Variants in PELI2 observed in about 807,000 individuals in gnomAD.
The protein encoded by PELI2 is E3 ubiquitin-protein ligase pellino homolog 2.
A neutral mutation model predicts 42.3 loss-of-function variants in PELI2; 23 were observed. The ratio of observed to expected loss-of-function variants is 0.54; its 90% CI spans 0.39 to 0.77. The LOEUF (loss-of-function observed/expected upper bound fraction) is 0.77, where lower values mean the gene tolerates loss of function less well. Among genes scored for constraint, PELI2 ranks in the 30% least tolerant of loss-of-function variants. PELI2 has a pLI of 0.00. For missense variants in PELI2, 463 were observed against 553.2 expected (o/e 0.84, Z 1.64); for synonymous variants, 245 against 212.2 (o/e 1.15, Z -1.34).
intron 3 of PELI2, among the ~76,000 whole-genome samples, chr14:56,281,000 C>T (rs1427867396): frequency 6.6e-6 from 1 of 151,974 alleles, no homozygotes; most frequent in African/African-American, 2.4e-5. Context: ...CTCTTTATTA[C>T]CTATTAATTG....
chr14:56,244,674 CT>C (rs771898823), intron 2 of PELI2, among the ~76,000 whole-genome samples: 58 of 152,122 alleles, frequency 3.8e-4, no homozygotes, highest in Middle Eastern at 3.2e-3. Flanking sequence ...GTATTTTCCA[CT>C]GGGCTGTGTA....
Position 56,297,019 on chromosome 14 carries a change from G to T in PELI2, c.1116G>T (p.Val372=). The change falls in exon 6 of 6, where the codon GTG becomes GTT. Residue 372 remains valine, a synonymous_variant. Coordinates refer to ENST00000267460, the MANE Select transcript of PELI2 (RefSeq NM_021255.3). ...PTHAFTPCGH[V]CSEKSAKYWS... is the part of the protein sequence containing the mutation. ...ATGCTTTCACTCCCTGTGGACACGT[G>T]TGCTCGGAGAAGTCTGCAAAATACT... The T allele has an allele frequency of 6.2e-7, 1 of 1,614,108 alleles. No individual in the cohort carries two copies. Among genetic ancestry groups the T allele is most frequent in the Non-Finnish European group, 8.5e-7 (1 of 1,180,024 alleles).
At chr14:56,234,546 A>G (rs1887712753) in intron 2 of PELI2, among the ~76,000 whole-genome samples, 1 of 152,162 alleles carries the variant, frequency 6.6e-6, no homozygotes, top group Non-Finnish European at 1.5e-5. Flanking sequence ...GTGGGAATTG[A>G]ACAATGAGAA....
chr14:56,249,055 G>A (rs570749925), intron 2 of PELI2, among the ~76,000 whole-genome samples: 1 of 152,306 alleles, frequency 6.6e-6, no homozygotes, highest in South Asian at 2.1e-4. Context: ...GGTAATCCCT[G>A]TCATAGTGGT....
At chr14:56,267,888 T>C (rs577448507) in intron 2 of PELI2, among the ~76,000 whole-genome samples, 222 of 152,306 alleles carry the variant, frequency 1.5e-3, no homozygotes, top group African/African-American at 5.1e-3. Context: ...TAAGTTTCAA[T>C]CTTTATATTC....
chr14:56,202,137 A>G (rs72714387), intron 2 of PELI2, among the ~76,000 whole-genome samples: 3 of 152,188 alleles, frequency 2.0e-5, no homozygotes, highest in Non-Finnish European at 4.4e-5. Context: ...AAAATTATCC[A>G]TCTGGGGCCA....
chr14:56,149,491 G>A (rs1202119462), intron 1 of PELI2, among the ~76,000 whole-genome samples: 1 of 152,154 alleles, frequency 6.6e-6, no homozygotes, highest in African/African-American at 2.4e-5. Flanking sequence ...GGGAGTCTAG[G>A]AAGAAAATGC....
intron 1 of PELI2, among the ~76,000 whole-genome samples, chr14:56,170,486 A>C (rs1885125485): frequency 6.6e-6 from 1 of 152,186 alleles, no homozygotes; most frequent in African/African-American, 2.4e-5. Context: ...AAAAACTGTC[A>C]GTGTTGTCTA....
chr14:56,229,258 C>T lies in PELI2; in HGVS notation c.208-50418C>T, dbSNP rs147805352. Reference sequence around the variant, plus strand: ...GAAGAGAGTAGTGGTTCTCCCAGCACGGAGTTTGAGATCTGAGAACGGACA... The same window carrying T: ...GAAGAGAGTAGTGGTTCTCCCAGCATGGAGTTTGAGATCTGAGAACGGACA... On this transcript the variant is annotated intron_variant, in intron 2 of 5. Transcript: ENST00000267460. Among the ~76,000 whole-genome samples, 165 of 152,338 alleles carry T rather than the reference C, an allele frequency of 1.1e-3. 2 individuals are homozygous for T. Among genetic ancestry groups the T allele is most frequent in the African/African-American group, 3.6e-3 (148 of 41,584 alleles).
Position 56,178,261 on chromosome 14 carries a change from T to C in PELI2, c.78-74T>C. On this transcript the variant is annotated intron_variant, in intron 1 of 5. Transcript: ENST00000267460. ...TGACCATTCCTGTCTTTTCCCTTAT[T>C]CAATACCTCTAACTTTTATGTTTAA... 2.0e-6 allele frequency: 3 copies of C among 1,505,622 alleles called. No homozygotes were observed. In the African/African-American group the frequency reaches 4.1e-5, roughly 21 times the overall value. The allele number at this position is 1,505,622 out of a possible 1,614,324, so 93.3% of individuals were successfully genotyped here.
At chr14:56,272,026 C>G (rs572467246) in intron 2 of PELI2, among the ~76,000 whole-genome samples, 6 of 152,290 alleles carry the variant, frequency 3.9e-5, no homozygotes, top group African/African-American at 1.4e-4. Flanking sequence ...GAAAACGTTG[C>G]TTCAGCATAC....
At chr14:56,143,514 G>A (rs1883992972) in intron 1 of PELI2, among the ~76,000 whole-genome samples, 1 of 152,140 alleles carries the variant, frequency 6.6e-6, no homozygotes, top group African/African-American at 2.4e-5. Flanking sequence ...TTATTTCTGT[G>A]ATGTTTGCCT....
At chr14:56,245,339 A>G (rs1241130797) in intron 2 of PELI2, among the ~76,000 whole-genome samples, 3 of 152,210 alleles carry the variant, frequency 2.0e-5, no homozygotes, top group African/African-American at 7.2e-5. Context: ...CTCAAGCTAA[A>G]TGTGTCATTG....
At chr14:56,287,725 G>A (rs903347323) in intron 3 of PELI2, among the ~76,000 whole-genome samples, 5 of 152,148 alleles carry the variant, frequency 3.3e-5, no homozygotes, top group South Asian at 2.1e-4. Context: ...GCATGAGAAC[G>A]TATATATGAG....
At chr14:56,149,742 T>C (rs1884267039) in intron 1 of PELI2, among the ~76,000 whole-genome samples, 2 of 152,210 alleles carry the variant, frequency 1.3e-5, no homozygotes, top group Non-Finnish European at 2.9e-5. Context: ...CTGAAAAATA[T>C]CTTAAAATCT....
chr14:56,240,645 C>G (rs555886476), intron 2 of PELI2, among the ~76,000 whole-genome samples: 1 of 152,138 alleles, frequency 6.6e-6, no homozygotes, highest in East Asian at 1.9e-4. Context: ...TAAGACAGGC[C>G]ATGTTTGAAT....
At chr14:56,238,534 G>T (rs1381280719) in intron 2 of PELI2, among the ~76,000 whole-genome samples, 1 of 152,070 alleles carries the variant, frequency 6.6e-6, no homozygotes, top group Non-Finnish European at 1.5e-5. Context: ...TGATTTTGCC[G>T]CTGTCGTAAT....
intron 2 of PELI2, among the ~76,000 whole-genome samples, chr14:56,206,056 A>G (rs1376583533): frequency 1.3e-5 from 2 of 152,200 alleles, no homozygotes; most frequent in African/African-American, 2.4e-5. Flanking sequence ...AAGTGTGGCA[A>G]CTATTCAGAA....
chr14:56,247,622 C>T (rs149541380), intron 2 of PELI2, among the ~76,000 whole-genome samples: 1 of 152,280 alleles, frequency 6.6e-6, no homozygotes, highest in African/African-American at 2.4e-5. Flanking sequence ...TGTGATCAAC[C>T]TACTTTCGTT....
Sources: gnomAD v4.1 joint callset for allele counts (sites outside exome capture counted in the v4.1 genomes callset) on GRCh38, gnomAD v4.1.1 for gene constraint, MANE v1.5 for transcripts, NCBI Gene and HGNC (gene_info 2026-07-23, HGNC 2026-07-21) for gene names.